The following COLEC10 variants were observed in gnomAD, a reference collection of about 807,000 sequenced individuals.
COLEC10 encodes the protein collectin subfamily member 10.
Under a neutral mutation model 28.4 loss-of-function variants are expected in COLEC10, and 22 were observed. The ratio of observed to expected loss-of-function variants is 0.78; its 90% CI spans 0.55 to 1.11. COLEC10 has a LOEUF of 1.11. COLEC10 is among the 50% of genes least tolerant of loss of function. COLEC10 has a pLI of 0.00. For synonymous variants in COLEC10, 125 were observed against 116.1 expected (o/e 1.08, Z -0.49); for missense variants, 361 against 344.1 (o/e 1.05, Z -0.39).
At chr8:119,104,751 C>T (rs1009171440) in intron 5 of COLEC10, among the ~76,000 whole-genome samples, 2 of 152,134 alleles carry the variant, frequency 1.3e-5, no homozygotes, top group African/African-American at 4.8e-5. Context: ...ACTAACCACA[C>T]TAATTATAAC....
intron 1 of COLEC10, among the ~76,000 whole-genome samples, chr8:119,088,758 G>A (rs1217314236): frequency 3.9e-5 from 6 of 152,108 alleles, no homozygotes; most frequent in Admixed American, 2.6e-4. Context: ...AGTGAGGCCT[G>A]GAGAGCAGAT....
At chr8:119,070,465 C>T (rs1815083980) in intron 1 of COLEC10, among the ~76,000 whole-genome samples, 1 of 139,156 alleles carries the variant, frequency 7.2e-6, no homozygotes, top group South Asian at 2.5e-4. Flanking sequence ...CTCTCTCTCT[C>T]TCTCTCTCTC....
intron 2 of COLEC10, among the ~76,000 whole-genome samples, chr8:119,021,027 T>C (rs1250176207): frequency 6.6e-6 from 1 of 152,180 alleles, no homozygotes; most frequent in Non-Finnish European, 1.5e-5. Flanking sequence ...AATATAGAAA[T>C]TGATGTCAGT....
At position 119,107,493 on chromosome 8, in the gene COLEC10, C is replaced by A. The variant is rs560796143; in HGVS notation, c.*1302C>A. Among the ~76,000 whole-genome samples the A allele has an allele frequency of 5.6e-4, 85 of 152,294 alleles. No individual in the cohort carries two copies. Among genetic ancestry groups the A allele is most frequent in the African/African-American group, 1.9e-3 (80 of 41,562 alleles). On this transcript the variant is annotated 3_prime_UTR_variant, in exon 6 of 6. Transcript: ENST00000332843. ...TTTCTGACATATGATTAGACTGTTT[C>A]AAATGCTGGCAAAATGGTTAATGAA...
chr8:119,088,836 G>A (rs984171152), intron 1 of COLEC10, among the ~76,000 whole-genome samples: 2 of 152,178 alleles, frequency 1.3e-5, no homozygotes, highest in African/African-American at 4.8e-5. Flanking sequence ...GCTAAGCACT[G>A]ATTGTATCCC....
chr8:119,061,518 A>G (rs1376903206), intron 2 of COLEC10, among the ~76,000 whole-genome samples: 2 of 152,034 alleles, frequency 1.3e-5, no homozygotes, highest in African/African-American at 4.8e-5. Context: ...AATGTGAACA[A>G]CATCAAATTT....
chr8:119,088,736 C>T (rs529658493), intron 1 of COLEC10, among the ~76,000 whole-genome samples: 3 of 152,162 alleles, frequency 2.0e-5, no homozygotes, highest in East Asian at 1.9e-4. Context: ...CTTGTTGATC[C>T]GAAAACAACT....
the COLEC10 span, among the ~76,000 whole-genome samples, chr8:118,990,140 TA>T: frequency 6.6e-6 from 1 of 152,078 alleles, no homozygotes; most frequent in Non-Finnish European, 1.5e-5. Context: ...CCAACTGTAT[TA>T]CATCTCTACT....
intron 2 of COLEC10, among the ~76,000 whole-genome samples, chr8:119,055,660 A>G (rs1037646333): frequency 3.3e-5 from 5 of 152,098 alleles, no homozygotes; most frequent in Non-Finnish European, 7.4e-5. Context: ...AAAATTGATC[A>G]TGTGTTAGAG....
intron 1 of COLEC10, among the ~76,000 whole-genome samples, chr8:119,070,594 CCT>C (rs1375674110): frequency 1.4e-5 from 2 of 140,148 alleles, no homozygotes; most frequent in East Asian, 4.4e-4. Flanking sequence ...TCTCTCTCTC[CCT>C]CTCTCCCTTT....
intron 2 of COLEC10, among the ~76,000 whole-genome samples, chr8:119,020,184 C>A (rs1814067819): frequency 6.6e-6 from 1 of 152,132 alleles, no homozygotes; most frequent in Non-Finnish European, 1.5e-5. Context: ...TTCTGCTGCT[C>A]TGCCTCATTC....
intron 2 of COLEC10, among the ~76,000 whole-genome samples, chr8:119,034,428 AAAG>A (rs1398650667): frequency 1.3e-5 from 2 of 151,272 alleles, no homozygotes; most frequent in African/African-American, 4.9e-5. Context: ...AAAAAAAAAA[AAAG>A]GCCAGGTGCG....
intron 3 of COLEC10, among the ~76,000 whole-genome samples, chr8:119,094,250 T>C (rs1815667322): frequency 1.3e-5 from 2 of 152,002 alleles, no homozygotes; most frequent in Non-Finnish European, 1.5e-5. Flanking sequence ...AGCTAGTCTG[T>C]GGAAAAAAAA....
chr8:119,070,286 C>T (rs1047433544), intron 1 of COLEC10, among the ~76,000 whole-genome samples: 2 of 152,116 alleles, frequency 1.3e-5, no homozygotes, highest in Non-Finnish European at 2.9e-5. Flanking sequence ...TTAACAAATT[C>T]TATTTTATCT....
the COLEC10 span, among the ~76,000 whole-genome samples, chr8:118,958,334 T>C: frequency 1.1e-4 from 17 of 152,246 alleles, no homozygotes; most frequent in South Asian, 8.3e-4. Context: ...ACGTTGTCTG[T>C]GCTTTAGGTT....
chr8:119,061,441 TGAA>T (rs1563730742), intron 2 of COLEC10, among the ~76,000 whole-genome samples: 7 of 147,532 alleles, frequency 4.7e-5, no homozygotes, highest in East Asian at 3.9e-4. Flanking sequence ...TAGCTGGTAT[TGAA>T]AAAAAAAAAA....
intron 2 of COLEC10, among the ~76,000 whole-genome samples, chr8:119,034,959 C>T (rs570063288): frequency 1.3e-5 from 2 of 152,238 alleles, no homozygotes; most frequent in African/African-American, 4.8e-5. Flanking sequence ...GGCAACTAAT[C>T]ATATGTCCAA....
the COLEC10 span, among the ~76,000 whole-genome samples, chr8:118,984,960 C>A: frequency 6.6e-6 from 1 of 152,042 alleles, no homozygotes. Context: ...GAGACCCATT[C>A]ACTATCACGA....
At chr8:118,959,824 A>T in the COLEC10 span, among the ~76,000 whole-genome samples, 1 of 152,158 alleles carries the variant, frequency 6.6e-6, no homozygotes, top group African/African-American at 2.4e-5. Flanking sequence ...TTGGCTATTC[A>T]TGTGTCTTCC....
Sources: gnomAD v4.1 joint callset for allele counts (sites outside exome capture counted in the v4.1 genomes callset) on GRCh38, gnomAD v4.1.1 for gene constraint, MANE v1.5 for transcripts, NCBI Gene and HGNC (gene_info 2026-07-23, HGNC 2026-07-21) for gene names.